Variants in HPSE2 observed in about 807,000 individuals in gnomAD.
HPSE2 encodes the protein heparanase 2 (inactive).
HPSE2 carries 38 observed loss-of-function variants against 60.5 expected under a neutral mutation model. The observed-to-expected ratio is 0.63, with a 90% CI of 0.48 to 0.82. The LOEUF is 0.82. Among genes scored for constraint, HPSE2 ranks in the 40% least tolerant of loss-of-function variants. HPSE2 has a pLI of 0.00. For synonymous variants in HPSE2, 295 were observed against 293.2 expected, an observed-to-expected ratio of 1.01 and a Z score of -0.06; for missense variants, 713 against 740.4, an observed-to-expected ratio of 0.96 and a Z score of 0.43.
At chr10:98,808,008 T>C (rs138665818) in intron 3 of HPSE2, among the ~76,000 whole-genome samples, 1 of 152,312 alleles carries the variant, frequency 6.6e-6, no homozygotes, top group African/African-American at 2.4e-5. Context: ...TCTTCTCAGC[T>C]TCACTTTATC....
At chr10:98,467,268 TC>T (rs1439599563) in intron 11 of HPSE2, among the ~76,000 whole-genome samples, 1 of 152,152 alleles carries the variant, frequency 6.6e-6, no homozygotes, top group Non-Finnish European at 1.5e-5. Context: ...GTCTTACTCA[TC>T]CGTCACTCTT....
At chr10:99,228,182 G>A (rs1009916625) in intron 2 of HPSE2, among the ~76,000 whole-genome samples, 15 of 152,038 alleles carry the variant, frequency 9.9e-5, no homozygotes, top group Non-Finnish European at 1.5e-5. Flanking sequence ...GGTGCTTTAA[G>A]AAGACAGTGA....
In HPSE2 at chr10:98,906,761, G is replaced by A. The variant is rs763746452; in HGVS notation, c.611-162705C>T. On this transcript the variant is annotated intron_variant, in intron 3 of 11. Coordinates refer to ENST00000370552, the MANE Select transcript of HPSE2 (RefSeq NM_021828.5). ...TCTGCTAAAAGTGCAAAACTTAGCC[G>A]GGCGTGGTGGCACGCACCAGTAGTC... Among the ~76,000 whole-genome samples, 198 of 152,004 alleles carry A rather than the reference G, an allele frequency of 1.3e-3. 5 individuals carry two copies. Among genetic ancestry groups the A allele is most frequent in the Non-Finnish European group, 4.3e-4 (29 of 67,992 alleles).
chr10:98,540,332 T>C (rs1943419411), intron 9 of HPSE2, among the ~76,000 whole-genome samples: 1 of 152,196 alleles, frequency 6.6e-6, no homozygotes. Flanking sequence ...TCTACATTTG[T>C]GTGAATTTTG....
chr10:98,693,920 T>G lies in HPSE2; in HGVS notation c.984A>C (p.Val328=). The change falls in exon 6 of 12, where the codon GTA becomes GTC. Residue 328 remains valine, a synonymous_variant. Transcript: ENST00000370552. ...DGFMKVAGST[V]DAVTWQHCYI... is the part of the protein sequence containing the mutation. ...CCTACTGTTGCCAGGTAACTGCATCTACTGTACTTCCTGCCACCTTCATGA... is the reference window on the plus strand; with the variant it reads ...CCTACTGTTGCCAGGTAACTGCATCGACTGTACTTCCTGCCACCTTCATGA... 6.2e-7 allele frequency: 1 copy of G among 1,613,352 alleles called. No individual in the cohort carries two copies. Among genetic ancestry groups the G allele is most frequent in the Non-Finnish European group, 8.5e-7 (1 of 1,179,300 alleles).
chr10:98,507,141 G>A (rs1402923175), intron 9 of HPSE2, among the ~76,000 whole-genome samples: 1 of 152,124 alleles, frequency 6.6e-6, no homozygotes, highest in Non-Finnish European at 1.5e-5. Flanking sequence ...TTAGAATAAT[G>A]GTTACCTTGG....
intron 3 of HPSE2, among the ~76,000 whole-genome samples, chr10:98,952,613 T>C (rs1223316518): frequency 6.6e-6 from 1 of 152,168 alleles, no homozygotes; most frequent in Non-Finnish European, 1.5e-5. Flanking sequence ...TCTAGTCAGC[T>C]TGGGCTGCCA....
At chr10:98,969,922 G>A (rs922706353) in intron 3 of HPSE2, among the ~76,000 whole-genome samples, 3 of 151,916 alleles carry the variant, frequency 2.0e-5, no homozygotes, top group African/African-American at 7.3e-5. Context: ...GGTGTTTCAC[G>A]TGGCAAAAGC....
At chr10:99,050,839 G>A (rs967543334) in intron 3 of HPSE2, among the ~76,000 whole-genome samples, 1 of 152,192 alleles carries the variant, frequency 6.6e-6, no homozygotes, top group African/African-American at 2.4e-5. Flanking sequence ...ACCAAAGGCT[G>A]CAGAGTAGGG....
chr10:98,544,214 C>G (rs1189876783), intron 9 of HPSE2, among the ~76,000 whole-genome samples: 2 of 152,188 alleles, frequency 1.3e-5, no homozygotes, highest in African/African-American at 4.8e-5. Flanking sequence ...GCTGAACAAC[C>G]TGCTCCTGAA....
At chr10:98,582,503 T>G (rs1019927863) in intron 9 of HPSE2, among the ~76,000 whole-genome samples, 21 of 152,180 alleles carry the variant, frequency 1.4e-4, no homozygotes. Context: ...ACTTGGCAGG[T>G]TGCTAGGGCA....
chr10:98,724,337 T>C (rs1949011533), intron 4 of HPSE2, among the ~76,000 whole-genome samples: 1 of 152,196 alleles, frequency 6.6e-6, no homozygotes, highest in South Asian at 2.1e-4. Context: ...AGACAGTTTG[T>C]TATAATTTCT....
At chr10:98,616,173 C>T (rs539394504) in intron 8 of HPSE2, among the ~76,000 whole-genome samples, 1 of 152,258 alleles carries the variant, frequency 6.6e-6, no homozygotes, top group African/African-American at 2.4e-5. Context: ...ACTCTGCTGC[C>T]CCAGCCAACA....
chr10:99,116,190 T>C (rs1011976527), intron 3 of HPSE2, among the ~76,000 whole-genome samples: 1 of 151,844 alleles, frequency 6.6e-6, no homozygotes, highest in African/African-American at 2.4e-5. Context: ...CTTACGTACA[T>C]CCTAGATTAC....
At chr10:98,963,860 C>G (rs181277253) in intron 3 of HPSE2, among the ~76,000 whole-genome samples, 12 of 152,032 alleles carry the variant, frequency 7.9e-5, no homozygotes, top group Non-Finnish European at 1.3e-4. Context: ...TTTAGAGATG[C>G]CTTTGTAAGA....
Position 98,633,941 on chromosome 10 carries a change from T to C in HPSE2, c.1098+7906A>G, listed in dbSNP as rs138001184. On this transcript the variant is annotated intron_variant, in intron 7 of 11. Transcript: ENST00000370552. ...CATCATCCTAATGTAGAATGAAAGA[T>C]TGTTCACTCAAATGAAATGTCTGAA... Among the ~76,000 whole-genome samples the C allele has an allele frequency of 1.4e-3, 210 of 152,344 alleles. 1 individual carries two copies. The highest frequency in any genetic ancestry group is 0.011 in the Admixed American group (169 of 15,292).
At chr10:98,752,113 C>A (rs1949771682) in intron 3 of HPSE2, among the ~76,000 whole-genome samples, 1 of 151,968 alleles carries the variant, frequency 6.6e-6, no homozygotes. Context: ...TGTAGTGAGA[C>A]AAAGAACATT....
intron 5 of HPSE2, among the ~76,000 whole-genome samples, chr10:98,716,523 C>T (rs1038556463): frequency 6.6e-6 from 1 of 151,992 alleles, no homozygotes; most frequent in Non-Finnish European, 1.5e-5. Flanking sequence ...TTCATAATGG[C>T]ATCTGGAATG....
At chr10:99,160,404 AC>A (rs1846780538) in intron 2 of HPSE2, among the ~76,000 whole-genome samples, 1 of 152,210 alleles carries the variant, frequency 6.6e-6, no homozygotes, top group African/African-American at 2.4e-5. Flanking sequence ...AATAGTTATA[AC>A]CCAGAAAACC....
Sources: gnomAD v4.1 joint callset for allele counts (sites outside exome capture counted in the v4.1 genomes callset) on GRCh38, gnomAD v4.1.1 for gene constraint, MANE v1.5 for transcripts, NCBI Gene and HGNC (gene_info 2026-07-23, HGNC 2026-07-21) for gene names.